The following USP34 variants were observed in gnomAD, a reference collection of about 807,000 sequenced individuals.
USP34 encodes ubiquitin carboxyl-terminal hydrolase 34.
Under a neutral mutation model 460.3 loss-of-function variants are expected in USP34, and 70 were observed. The ratio of observed to expected loss-of-function variants is 0.15; its 90% confidence interval spans 0.13 to 0.19. USP34 has a LOEUF of 0.19. Among genes scored for constraint, USP34 ranks in the 10% least tolerant of loss-of-function variants. USP34 has a pLI of 1.00. For missense variants in USP34, 3,985 were observed against 4,236.2 expected (o/e 0.94, Z 1.65); for synonymous variants, 1,647 against 1,405.3 (o/e 1.17, Z -3.85).
intron 58 of USP34, 127 bp downstream of exon 58, chr2:61,232,325 T>A (rs1317551541): frequency 3.9e-6 from 3 of 764,528 alleles, no homozygotes; most frequent in South Asian, 3.6e-5. Flanking sequence ...ACTTTTATGA[T>A]AGGAGGCAGA....
chr2:61,263,659 T>C (rs1207037018), intron 43 of USP34, among the ~76,000 whole-genome samples: 2 of 151,938 alleles, frequency 1.3e-5, no homozygotes, highest in Non-Finnish European at 2.9e-5. Flanking sequence ...TTTTTTTGTA[T>C]TTTTAGTAGA....
intron 16 of USP34, among the ~76,000 whole-genome samples, chr2:61,339,909 T>C (rs903083557): frequency 1.3e-5 from 2 of 152,090 alleles, no homozygotes; most frequent in African/African-American, 4.8e-5. Flanking sequence ...TGGCCTCCAG[T>C]AATCTCCTTC....
chr2:61,463,834 C>CA (rs532688800), intron 1 of USP34, among the ~76,000 whole-genome samples: 3,696 of 120,276 alleles, frequency 0.031, 121 homozygotes, highest in African/African-American at 0.093. Flanking sequence ...AATTCCTTTT[C>CA]AAAAAAAAAA....
At chr2:61,293,114 T>C (rs151166665) in intron 33 of USP34, among the ~76,000 whole-genome samples, 44 of 151,934 alleles carry the variant, frequency 2.9e-4, no homozygotes, top group African/African-American at 1.1e-3. Flanking sequence ...CACAACAAAA[T>C]AAAACAAAAA....
intron 16 of USP34, among the ~76,000 whole-genome samples, chr2:61,341,526 T>A (rs1016658315): frequency 6.6e-6 from 1 of 152,028 alleles, no homozygotes; most frequent in Non-Finnish European, 1.5e-5. Context: ...AATTCTTACA[T>A]TGAGTTCAGA....
intron 41 of USP34, among the ~76,000 whole-genome samples, chr2:61,273,431 T>C (rs1205431390): frequency 6.6e-6 from 1 of 152,170 alleles, no homozygotes; most frequent in African/African-American, 2.4e-5. Context: ...GAAAATGGAC[T>C]ACCTTGGTCA....
rs1689959964 is a variant in USP34, at chr2:61,294,398, T to C, written c.4461+551A>G. ...ACGAAAAAGCCTATAAACATCTTTC[T>C]ATTCCATTAGCCATTTAGTCCTAGA... On this transcript the variant is annotated intron_variant, in intron 32 of 79. Transcript: ENST00000398571. Among the ~76,000 whole-genome samples the C allele has an allele frequency of 1.3e-5, 2 of 152,100 alleles. 1 individual carries two copies. Among genetic ancestry groups the C allele is most frequent in the Admixed American group, 1.3e-4 (2 of 15,272 alleles).
intron 5 of USP34, among the ~76,000 whole-genome samples, chr2:61,387,458 C>T (rs981634704): frequency 6.6e-6 from 1 of 150,564 alleles, no homozygotes; most frequent in Non-Finnish European, 1.5e-5. Context: ...GAGCAAGACT[C>T]TATCTCAAAA....
chr2:61,265,640 C>T (rs1172586032), intron 42 of USP34, 83 bp from the exon 43 acceptor site: 2 of 1,341,666 alleles, frequency 1.5e-6, no homozygotes, highest in Non-Finnish European at 2.0e-6. Context: ...ACAGCCTCTA[C>T]CTCCATTAGT....
At position 61,296,876 on chromosome 2, in the gene USP34, C is replaced by T. The variant is rs780566856; in HGVS notation, c.4178G>A (p.Arg1393Gln). Residue 1393 changes from arginine (R) to glutamine (Q), a missense_variant, in exon 30 of 80, where the codon CGG (arginine) becomes CAG (glutamine). Arg to Gln is a conservative substitution (Grantham distance 43). Coordinates refer to ENST00000398571, the MANE Select transcript of USP34 (RefSeq NM_014709.4). ...AAGAAGCATCAGTAGCTCCCAGACCCGCCTAGACAGATTTTCTGCATGAAG... is the reference window on the plus strand; with the variant it reads ...AAGAAGCATCAGTAGCTCCCAGACCTGCCTAGACAGATTTTCTGCATGAAG... ...LHLHAENLSR[R>Q]VWELLMLLPT... 1.2e-6 allele frequency: 2 copies of T among 1,613,748 alleles called. No homozygotes were observed. Among genetic ancestry groups the T allele is most frequent in the Non-Finnish European group, 1.7e-6 (2 of 1,179,914 alleles).
At chr2:61,325,284 A>G in intron 21 of USP34, 91 bp downstream of exon 21, 1 of 811,936 alleles carries the variant, frequency 1.2e-6, no homozygotes, top group Non-Finnish European at 1.8e-6. Flanking sequence ...ACTAAAAAAA[A>G]AAAAAAACTG....
Position 61,370,327 on chromosome 2 carries a change from T to C in USP34, c.1245A>G (p.Ala415=), listed in dbSNP as rs905730408. The C allele has an allele frequency of 1.7e-5, 27 of 1,614,038 alleles. No homozygotes were observed. The highest frequency in any genetic ancestry group is 2.2e-5 in the Non-Finnish European group (26 of 1,179,914). Reference sequence around the variant, plus strand: ...TGTGAGCTGTTAATATTACCTGTGCTGCAGCCCAAATACAGTCAATATGTT... The same window carrying C: ...TGTGAGCTGTTAATATTACCTGTGCCGCAGCCCAAATACAGTCAATATGTT... The part of the protein sequence containing the change: ...STQHIDCIWA[A]AQLKHCSRYI... Residue 415 remains alanine (A), a synonymous_variant, in exon 10 of 80, where the codon GCA becomes GCG. Coordinates refer to ENST00000398571, the MANE Select transcript of USP34 (RefSeq NM_014709.4).
At chr2:61,354,581 C>T (rs998375878) in intron 10 of USP34, among the ~76,000 whole-genome samples, 5 of 152,152 alleles carry the variant, frequency 3.3e-5, no homozygotes, top group African/African-American at 7.2e-5. Context: ...TCCAGCCTCC[C>T]GCTGCTCAAT....
chr2:61,275,135 C>T (rs889944661), intron 41 of USP34, among the ~76,000 whole-genome samples: 1 of 151,820 alleles, frequency 6.6e-6, no homozygotes, highest in Non-Finnish European at 1.5e-5. Context: ...AAAAATTAGC[C>T]GGGTATGGTG....
chr2:61,194,133 C>A (rs912710317), intron 75 of USP34: 16 of 985,290 alleles, frequency 1.6e-5, no homozygotes, highest in African/African-American at 3.5e-5. Context: ...ACATCCTACA[C>A]AGGCAAGTCA....
chr2:61,221,358 G>C (rs11889205), intron 66 of USP34, 144 bp downstream of exon 66: 1 of 671,508 alleles, frequency 1.5e-6, no homozygotes, highest in Non-Finnish European at 2.5e-6. Flanking sequence ...AGACTAGCTA[G>C]GAACTCTTTT....
chr2:61,434,225 A>G (rs78598447), intron 1 of USP34, among the ~76,000 whole-genome samples: 4 of 152,252 alleles, frequency 2.6e-5, no homozygotes, highest in African/African-American at 4.8e-5. Context: ...TGCGCCCCCA[A>G]TAAGGGCCTC....
intron 1 of USP34, among the ~76,000 whole-genome samples, chr2:61,430,415 AAT>A (rs1231877940): frequency 3.3e-5 from 5 of 152,092 alleles, no homozygotes; most frequent in Admixed American, 1.3e-4. Context: ...AAATAATAAT[AAT>A]AAAATACATT....
chr2:61,455,954 C>G (rs1285265407), intron 1 of USP34, among the ~76,000 whole-genome samples: 1 of 152,142 alleles, frequency 6.6e-6, no homozygotes, highest in Non-Finnish European at 1.5e-5. Flanking sequence ...GAACTCAGGT[C>G]TACCAGGTTC....
Sources: allele counts gnomAD v4.1 joint callset (sites outside exome capture counted in the v4.1 genomes callset), GRCh38; gene constraint gnomAD v4.1.1; transcripts MANE v1.5; gene names NCBI Gene and HGNC (gene_info 2026-07-23, HGNC 2026-07-21).